Variants in SLC25A17 observed in about 807,000 individuals in gnomAD.
SLC25A17 encodes the protein peroxisomal membrane protein PMP34.
Under a neutral mutation model 38.5 loss-of-function variants are expected in SLC25A17, and 26 were observed. The ratio of observed to expected loss-of-function variants is 0.68; its 90% CI spans 0.50 to 0.94. SLC25A17 has a LOEUF of 0.94. Among genes scored for constraint, SLC25A17 ranks in the 40% least tolerant of loss-of-function variants. The probability of loss-of-function intolerance (pLI) is 0.00; values close to 1 mark genes in which losing one functional copy is unlikely to be tolerated. For synonymous variants in SLC25A17, 139 were observed against 136.2 expected (o/e 1.02, Z -0.14); for missense variants, 333 against 372.7 (o/e 0.89, Z 0.88).
intron 1 of SLC25A17, among the ~76,000 whole-genome samples, chr22:40,817,541 C>T (rs552986887): frequency 7.9e-5 from 12 of 152,296 alleles, no homozygotes; most frequent in African/African-American, 2.9e-4. Flanking sequence ...CCTCTGCCAT[C>T]CCAGTAAATA....
In SLC25A17 at chr22:40,770,795, C is replaced by A; in HGVS notation, c.*39G>T. On this transcript the variant is annotated 3_prime_UTR_variant, in exon 9 of 9. Coordinates refer to ENST00000435456, the MANE Select transcript of SLC25A17 (RefSeq NM_006358.4). ...TTCTCTTCACTCAGGAGGAAACCTC[C>A]CTCTTGAGCATCTTCGGAATTTTTC... The A allele has an allele frequency of 6.4e-7, 1 of 1,571,590 alleles. No individual in the cohort carries two copies. The highest frequency in any genetic ancestry group is 1.2e-5 in the South Asian group (1 of 86,812).
chr22:40,804,175 A>G (rs1408827884), intron 1 of SLC25A17, among the ~76,000 whole-genome samples: 1 of 152,074 alleles, frequency 6.6e-6, no homozygotes, highest in Non-Finnish European at 1.5e-5. Context: ...CCTTTTAATA[A>G]TATCTAGTGC....
intron 5 of SLC25A17, 54 bp from the exon 6 acceptor site, chr22:40,777,427 A>G (rs2057256316): frequency 6.4e-7 from 1 of 1,554,698 alleles, no homozygotes; most frequent in Admixed American, 1.9e-5. Context: ...CCCCAACTAG[A>G]GAAGACAACA....
chr22:40,770,727 G>A lies in SLC25A17; in HGVS notation c.*107C>T. On this transcript the variant is annotated 3_prime_UTR_variant, in exon 9 of 9. Transcript: ENST00000435456. ...TTGGATGCTTTTCAAGCCAATGAGG[G>A]TAACATTTGTGGTGGCAGGAGCCAG... 1.6e-6 allele frequency: 2 copies of A among 1,230,154 alleles called. No homozygotes were observed. Among genetic ancestry groups the A allele is most frequent in the Non-Finnish European group, 1.1e-6 (1 of 899,138 alleles). The allele number at this position is 1,230,154 out of a possible 1,614,324, so 76.2% of individuals were successfully genotyped here.
rs143556090 is a variant in SLC25A17, at chr22:40,778,191, A to C, written c.451+818T>G. Among the ~76,000 whole-genome samples, 687 of 152,332 alleles carry C rather than the reference A, an allele frequency of 4.5e-3. 5 individuals carry two copies. Among genetic ancestry groups the C allele is most frequent in the African/African-American group, 0.015 (616 of 41,580 alleles). On this transcript the variant is annotated intron_variant, in intron 5 of 8. Coordinates refer to ENST00000435456, the MANE Select transcript of SLC25A17 (RefSeq NM_006358.4). ...ACCAATCTGGTGTCTATCCAAAGAC[A>C]ACACTAGAATAAAAAAGTATAGATC... is the stretch of plus-strand genomic sequence containing the variant.
At chr22:40,781,542 G>A (rs533114443) in intron 4 of SLC25A17, among the ~76,000 whole-genome samples, 135 of 152,222 alleles carry the variant, frequency 8.9e-4, no homozygotes, top group African/African-American at 3.2e-3. Context: ...ACCGCACCCG[G>A]CCTAAAAGGA....
At chr22:40,787,491 A>G (rs2057349158) in intron 4 of SLC25A17, among the ~76,000 whole-genome samples, 1 of 152,180 alleles carries the variant, frequency 6.6e-6, no homozygotes, top group Non-Finnish European at 1.5e-5. Flanking sequence ...GTCTGCAGTC[A>G]AGATCAGTAA....
Position 40,783,193 on chromosome 22 carries a change from TAAC to T in SLC25A17, c.335-4071_335-4069del, listed in dbSNP as rs1189889587. Among the ~76,000 whole-genome samples, 8 of 152,338 alleles carry T rather than the reference TAAC, an allele frequency of 5.3e-5. No individual in the cohort carries two copies. In the South Asian group the frequency reaches 1.5e-3, roughly 28 times the overall value. On this transcript the variant is annotated intron_variant, in intron 4 of 8. Transcript: ENST00000435456. ...ACCTACAATCAGAGAATCTCACAAT[TAAC>T]AAAGGATTGTAAAATTCTTTAACCC...
chr22:40,805,506 T>C (rs1280244270), intron 1 of SLC25A17, among the ~76,000 whole-genome samples: 1 of 152,108 alleles, frequency 6.6e-6, no homozygotes, highest in Admixed American at 6.5e-5. Context: ...GGCAAGGAAA[T>C]GGATTATCCC....
In SLC25A17 at chr22:40,773,986, TTC is replaced by T. The variant is rs2057214461; in HGVS notation, c.725_726del (p.Arg242AsnfsTer29). 1.2e-6 allele frequency: 2 copies of T among 1,613,386 alleles called. No individual in the cohort carries two copies. The highest frequency in any genetic ancestry group is 1.7e-6 in the Non-Finnish European group (2 of 1,179,328). ...FGRHRLNPENRTLGSLRNILY... is the reference protein window; with the variant it reads ...FGRHRLNPENXTLGSLRNILY... ...AGAATATTCCGAAGACTTCCCAATG[TTC>T]TGTTTTCTGGGTTTAGTCTATGACG... On this transcript the variant is annotated frameshift_variant, in exon 8 of 9. Coordinates refer to ENST00000435456, the MANE Select transcript of SLC25A17 (RefSeq NM_006358.4). LOFTEE classifies it high-confidence loss of function.
At chr22:40,810,637 G>A (rs1301864169) in intron 1 of SLC25A17, among the ~76,000 whole-genome samples, 2 of 152,202 alleles carry the variant, frequency 1.3e-5, no homozygotes, top group East Asian at 3.9e-4. Flanking sequence ...GTAAGCCACC[G>A]AGCATTAAAT....
At chr22:40,785,814 T>C (rs997878819) in intron 4 of SLC25A17, among the ~76,000 whole-genome samples, 2 of 152,030 alleles carry the variant, frequency 1.3e-5, no homozygotes, top group Admixed American at 1.3e-4. Context: ...GTTTTTTTTT[T>C]TGGTAGAAAT....
In SLC25A17 at chr22:40,819,171, C is replaced by A. The variant is rs752094673; in HGVS notation, c.54+24G>T. The A allele has an allele frequency of 1.9e-6, 3 of 1,613,310 alleles. No homozygotes were observed. In the South Asian group the frequency reaches 3.3e-5, roughly 18 times the overall value. On this transcript the variant is annotated intron_variant, in intron 1 of 8. Transcript: ENST00000435456. ...GAGAAGCCTTATAACCCGTTGCGGCCCGGGCGTAAAGACCCCGTCTCACCA... is the reference window on the plus strand; with the variant it reads ...GAGAAGCCTTATAACCCGTTGCGGCACGGGCGTAAAGACCCCGTCTCACCA...
intron 1 of SLC25A17, among the ~76,000 whole-genome samples, chr22:40,809,412 C>G (rs541354778): frequency 1.3e-5 from 2 of 151,180 alleles, no homozygotes; most frequent in South Asian, 4.2e-4. Context: ...CCCAGGAGTT[C>G]GAGACCAGCC....
At chr22:40,797,568 T>C (rs944159047) in intron 2 of SLC25A17, among the ~76,000 whole-genome samples, 1 of 152,186 alleles carries the variant, frequency 6.6e-6, no homozygotes, top group Non-Finnish European at 1.5e-5. Flanking sequence ...TCAAAATTAT[T>C]AGTGCAAGAC....
chr22:40,778,970 G>T, intron 5 of SLC25A17, 39 bp downstream of exon 5: 1 of 1,542,598 alleles, frequency 6.5e-7, no homozygotes, highest in East Asian at 2.3e-5. Flanking sequence ...AAAGAAGGAA[G>T]AAAACCCTTA....
chr22:40,816,609 GTTTTT>G (rs55809010), intron 1 of SLC25A17, among the ~76,000 whole-genome samples: 2 of 137,970 alleles, frequency 1.4e-5, no homozygotes, highest in Non-Finnish European at 3.1e-5. Flanking sequence ...ATTTTTTATT[GTTTTT>G]TTTTTTTTTT....
At chr22:40,817,954 T>C (rs1327648161) in intron 1 of SLC25A17, among the ~76,000 whole-genome samples, 1 of 152,234 alleles carries the variant, frequency 6.6e-6, no homozygotes, top group African/African-American at 2.4e-5. Context: ...TGAACCAGGC[T>C]TCCTGAATTA....
At chr22:40,779,540 TCTTA>T in intron 4 of SLC25A17, 1 of 331,062 alleles carries the variant, frequency 3.0e-6, no homozygotes. Flanking sequence ...AATTTACAAC[TCTTA>T]CTTAAGTAGC....
Sources: gnomAD v4.1 joint callset for allele counts (sites outside exome capture counted in the v4.1 genomes callset) on GRCh38, gnomAD v4.1.1 for gene constraint, MANE v1.5 for transcripts, NCBI Gene and HGNC (gene_info 2026-07-23, HGNC 2026-07-21) for gene names.